TENM2: variants seen among roughly 807,000 people sequenced by gnomAD.
TENM2 encodes teneurin transmembrane protein 2.
TENM2 carries 52 observed loss-of-function variants against 245.2 expected under a neutral mutation model. The ratio of observed to expected loss-of-function variants is 0.21; its 90% CI spans 0.17 to 0.27. TENM2 has a LOEUF of 0.27. TENM2 is among the 10% of genes least tolerant of loss of function. The pLI is 1.00. For synonymous variants in TENM2, 1,363 were observed against 1,438.9 expected, an observed-to-expected ratio of 0.95 and a Z score of 1.19; for missense variants, 3,046 against 3,666.8, an observed-to-expected ratio of 0.83 and a Z score of 4.37.
chr5:168,194,192 T>C (rs1379189374), intron 14 of TENM2, among the ~76,000 whole-genome samples: 1 of 152,166 alleles, frequency 6.6e-6, no homozygotes, highest in Non-Finnish European at 1.5e-5. Context: ...AGAACCTCTC[T>C]TCTTTTGCCA....
At chr5:167,190,430 G>A in the TENM2 span, among the ~76,000 whole-genome samples, 1 of 152,014 alleles carries the variant, frequency 6.6e-6, no homozygotes, top group Admixed American at 6.6e-5. Context: ...AAGGTGTAGT[G>A]AGAGAGAAAT....
At chr5:167,493,154 G>A (rs182041257) in intron 2 of TENM2, among the ~76,000 whole-genome samples, 9 of 152,062 alleles carry the variant, frequency 5.9e-5, no homozygotes, top group South Asian at 2.1e-4. Context: ...TGGCCCACAC[G>A]TGTAATCCAG....
At chr5:167,849,444 C>G (rs1770367752) in intron 2 of TENM2, among the ~76,000 whole-genome samples, 1 of 152,154 alleles carries the variant, frequency 6.6e-6, no homozygotes, top group African/African-American at 2.4e-5. Flanking sequence ...GAACACTTCA[C>G]TTCTGGTTAC....
chr5:167,444,504 A>G (rs895585027), intron 2 of TENM2, among the ~76,000 whole-genome samples: 4 of 152,214 alleles, frequency 2.6e-5, no homozygotes, highest in Non-Finnish European at 4.4e-5. Flanking sequence ...AACAGAAATA[A>G]TCACACCTGA....
chr5:167,854,348 A>G (rs888525646), intron 2 of TENM2, among the ~76,000 whole-genome samples: 7 of 150,092 alleles, frequency 4.7e-5, no homozygotes, highest in Admixed American at 1.3e-4. Context: ...TTGTAGGGGG[A>G]AAAAAAGGCT....
intron 4 of TENM2, among the ~76,000 whole-genome samples, chr5:167,984,893 G>T (rs1165931939): frequency 6.6e-6 from 1 of 151,904 alleles, no homozygotes; most frequent in Non-Finnish European, 1.5e-5. Context: ...GTCTGTCTCA[G>T]GACCCTGCCC....
chr5:167,016,824 AT>A, the TENM2 span, among the ~76,000 whole-genome samples: 1 of 152,186 alleles, frequency 6.6e-6, no homozygotes, highest in African/African-American at 2.4e-5. Context: ...CCAAGGTTGA[AT>A]GGAGCAAAAT....
intron 2 of TENM2, among the ~76,000 whole-genome samples, chr5:167,475,315 A>G (rs1767300992): frequency 6.6e-6 from 1 of 152,184 alleles, no homozygotes. Flanking sequence ...TATTGACCCA[A>G]AGAAGTATTG....
the TENM2 span, among the ~76,000 whole-genome samples, chr5:167,233,831 A>G: frequency 2.6e-5 from 4 of 152,134 alleles, no homozygotes; most frequent in Non-Finnish European, 4.4e-5. Context: ...AAAATTCTCA[A>G]TGTATGTATG....
At chr5:167,095,768 CTT>C in the TENM2 span, among the ~76,000 whole-genome samples, 4,423 of 129,748 alleles carry the variant, frequency 0.034, 71 homozygotes, top group South Asian at 0.091. Context: ...GAAAGCCTTT[CTT>C]TTTTTTTTTT....
chr5:167,347,913 T>C (rs1275657742), intron 1 of TENM2, among the ~76,000 whole-genome samples: 2 of 152,168 alleles, frequency 1.3e-5, no homozygotes, highest in African/African-American at 4.8e-5. Context: ...CTACGGCAGA[T>C]GGAAACACAG....
the TENM2 span, among the ~76,000 whole-genome samples, chr5:167,057,566 TC>T: frequency 2.0e-5 from 3 of 152,122 alleles, no homozygotes; most frequent in Non-Finnish European, 4.4e-5. Flanking sequence ...GTTTCCCCAC[TC>T]CCTTTATGTG....
chr5:168,161,162 C>T (rs1402429033), intron 12 of TENM2, among the ~76,000 whole-genome samples: 1 of 152,180 alleles, frequency 6.6e-6, no homozygotes, highest in Non-Finnish European at 1.5e-5. Flanking sequence ...GAGATGCATG[C>T]TTTTGATCCA....
chr5:167,651,873 T>C (rs939899868), intron 2 of TENM2, among the ~76,000 whole-genome samples: 2 of 152,170 alleles, frequency 1.3e-5, no homozygotes, highest in Non-Finnish European at 2.9e-5. Flanking sequence ...CTGCAACTTC[T>C]TGAACAAGAT....
intron 8 of TENM2, among the ~76,000 whole-genome samples, chr5:168,094,609 A>G (rs1249311146): frequency 2.0e-5 from 3 of 151,892 alleles, no homozygotes; most frequent in Non-Finnish European, 2.9e-5. Flanking sequence ...AGTATTCACC[A>G]TAATGTCAAA....
At chr5:167,027,113 G>A in the TENM2 span, among the ~76,000 whole-genome samples, 16 of 152,124 alleles carry the variant, frequency 1.1e-4, no homozygotes, top group Admixed American at 6.5e-5. Flanking sequence ...TCACATTTCC[G>A]TAACCAAGTT....
chr5:168,052,751 C>T (rs1789217599), intron 6 of TENM2, among the ~76,000 whole-genome samples: 1 of 152,012 alleles, frequency 6.6e-6, no homozygotes, highest in Non-Finnish European at 1.5e-5. Context: ...TTAAGCCCTA[C>T]CATTCTCGGT....
intron 4 of TENM2, among the ~76,000 whole-genome samples, chr5:167,976,808 G>A (rs907360850): frequency 6.6e-6 from 1 of 152,016 alleles, no homozygotes; most frequent in East Asian, 1.9e-4. Context: ...AAATTTCATG[G>A]ATATCATTGG....
intron 2 of TENM2, among the ~76,000 whole-genome samples, chr5:167,460,696 C>A (rs1766243759): frequency 6.6e-6 from 1 of 151,960 alleles, no homozygotes; most frequent in Non-Finnish European, 1.5e-5. Flanking sequence ...AAATAAATGC[C>A]TCTGTAAAAC....
Sources: gnomAD v4.1 joint callset for allele counts (sites outside exome capture counted in the v4.1 genomes callset) on GRCh38, gnomAD v4.1.1 for gene constraint, MANE v1.5 for transcripts, NCBI Gene and HGNC (gene_info 2026-07-23, HGNC 2026-07-21) for gene names.